CTNND1: variants seen among roughly 807,000 people sequenced by gnomAD.
CTNND1 encodes catenin delta 1.
CTNND1 carries 16 observed loss-of-function variants against 112.1 expected under a neutral mutation model. That is an observed-to-expected ratio of 0.14 (90% CI 0.10 to 0.22). The LOEUF is 0.22. Among genes scored for constraint, CTNND1 ranks in the 10% least tolerant of loss-of-function variants. The probability of loss-of-function intolerance (pLI) is 1.00; values close to 1 mark genes in which losing one functional copy is unlikely to be tolerated. For synonymous variants in CTNND1, 420 were observed against 446.5 expected (o/e 0.94, Z 0.75); for missense variants, 1,008 against 1,257.0 (o/e 0.80, Z 3.00).
chr11:57,771,211 G>C (rs1389811863), intron 1 of CTNND1, among the ~76,000 whole-genome samples: 1 of 151,554 alleles, frequency 6.6e-6, no homozygotes, highest in Non-Finnish European at 1.5e-5. Context: ...AAAGAAATTT[G>C]AGAGTCTGTT....
At chr11:57,763,739 TG>T (rs1284794714) in intron 1 of CTNND1, 1 of 152,124 alleles carries the variant, frequency 6.6e-6, no homozygotes, top group African/African-American at 2.4e-5. Context: ...ATCTTTAGAG[TG>T]TTGGTCATGT....
intron 3 of CTNND1, among the ~76,000 whole-genome samples, chr11:57,792,807 G>A (rs1191575133): frequency 1.3e-5 from 2 of 150,752 alleles, no homozygotes; most frequent in Non-Finnish European, 2.9e-5. Context: ...GGGATTACGC[G>A]TGAGCTACTG....
intron 3 of CTNND1, 101 bp from the exon 4 acceptor site, chr11:57,793,908 CT>C: frequency 8.7e-7 from 1 of 1,143,452 alleles, no homozygotes; most frequent in Non-Finnish European, 1.3e-6. Context: ...CCACACATAT[CT>C]TCTTGAAAGC....
Position 57,801,788 on chromosome 11 carries a change from C to T in CTNND1, c.1012C>T (p.Pro338Ser), listed in dbSNP as rs2062048755. The change falls in exon 7 of 21, where the codon CCT becomes TCT. Residue 338 changes from proline to serine, a missense_variant. By Grantham distance (74) the Pro-to-Ser change is moderately conservative. This residue lies in a region of CTNND1 where 216 missense variants were observed against 342.8 expected (regional missense o/e 0.63). Coordinates refer to ENST00000399050, the MANE Select transcript of CTNND1 (RefSeq NM_001085458.2). ...EVPSDQYYWA[P>S]LAQHERGSLA... ...GCCATCGGATCAATACTACTGGGCTCCTTTGGCCCAGCATGAGCGAGGAAG... is the reference window on the plus strand; with the variant it reads ...GCCATCGGATCAATACTACTGGGCTTCTTTGGCCCAGCATGAGCGAGGAAG... 1.2e-6 allele frequency: 2 copies of T among 1,613,958 alleles called. No individual in the cohort carries two copies. The highest frequency in any genetic ancestry group is 1.7e-6 in the Non-Finnish European group (2 of 1,179,874).
At chr11:57,794,214 G>A (rs2061090280) in intron 4 of CTNND1, 133 bp downstream of exon 4, 1 of 747,572 alleles carries the variant, frequency 1.3e-6, no homozygotes, top group Non-Finnish European at 2.2e-6. Context: ...TTTTATTTAC[G>A]AAAACAAAGA....
chr11:57,768,086 C>T (rs192028280), intron 1 of CTNND1, among the ~76,000 whole-genome samples: 52 of 152,154 alleles, frequency 3.4e-4, no homozygotes, highest in Admixed American at 2.9e-3. Flanking sequence ...CCACCCACCT[C>T]GGCCTTCCAA....
At chr11:57,792,342 C>T (rs918450049) in intron 3 of CTNND1, among the ~76,000 whole-genome samples, 1 of 152,182 alleles carries the variant, frequency 6.6e-6, no homozygotes, top group Admixed American at 6.5e-5. Flanking sequence ...TGAGAAGTAT[C>T]TTGTGTTTCC....
At chr11:57,785,762 C>G (rs549548292) in intron 1 of CTNND1, among the ~76,000 whole-genome samples, 2 of 151,628 alleles carry the variant, frequency 1.3e-5, no homozygotes, top group African/African-American at 4.8e-5. Flanking sequence ...TTGGTCAGGC[C>G]GGTCTCAAAC....
intron 8 of CTNND1, 35 bp downstream of exon 8, chr11:57,803,839 T>C: frequency 4.2e-6 from 6 of 1,414,092 alleles, no homozygotes; most frequent in African/African-American, 2.9e-5. Context: ...TGAAGATGAA[T>C]TTTTGAGGAC....
intron 1 of CTNND1, among the ~76,000 whole-genome samples, chr11:57,770,513 C>T (rs960187854): frequency 1.3e-4 from 20 of 151,736 alleles, no homozygotes; most frequent in Admixed American, 9.2e-4. Flanking sequence ...ATTAGCTGGG[C>T]GTGGTGGCAC....
intron 5 of CTNND1, 111 bp downstream of exon 5, chr11:57,795,840 C>T: frequency 8.8e-7 from 1 of 1,141,156 alleles, no homozygotes; most frequent in Non-Finnish European, 1.2e-6. Context: ...CATTATTGAT[C>T]TGATTGCATG....
At chr11:57,799,503 A>G (rs2061739844) in intron 6 of CTNND1, among the ~76,000 whole-genome samples, 1 of 152,220 alleles carries the variant, frequency 6.6e-6, no homozygotes, top group Non-Finnish European at 1.5e-5. Context: ...TAGAAGAGTA[A>G]TACAAGGTCA....
intron 12 of CTNND1, among the ~76,000 whole-genome samples, chr11:57,807,613 A>AAG (rs2062850823): frequency 6.6e-6 from 1 of 150,612 alleles, no homozygotes; most frequent in Non-Finnish European, 1.5e-5. Context: ...CTCAAAAAAA[A>AAG]AAAAAAAAAA....
In CTNND1 at chr11:57,772,240, T is replaced by G. The variant is rs185235400; in HGVS notation, c.-214+10121T>G. 9.6e-3 allele frequency among the ~76,000 whole-genome samples: 1,459 copies of G among 152,136 alleles called. 16 individuals carry two copies. Among genetic ancestry groups the G allele is most frequent in the Non-Finnish European group, 0.016 (1,056 of 68,004 alleles). ...AGCTACTGTGCCCAGCCCCCAAATT[T>G]TTCTTTCCAAGAGAAATACTGTATA... On this transcript the variant is annotated intron_variant, in intron 1 of 20. Transcript: ENST00000399050.
chr11:57,792,832 A>ATTTT (rs35942817), intron 3 of CTNND1, among the ~76,000 whole-genome samples: 6 of 140,384 alleles, frequency 4.3e-5, no homozygotes, highest in African/African-American at 1.3e-4. Flanking sequence ...CGGCTGAGTG[A>ATTTT]TTTTTTTTTT....
At chr11:57,779,261 G>C (rs1175330435) in intron 1 of CTNND1, among the ~76,000 whole-genome samples, 1 of 152,156 alleles carries the variant, frequency 6.6e-6, no homozygotes, top group African/African-American at 2.4e-5. Context: ...AGTATTAAGA[G>C]TTACTAGCAA....
Position 57,814,337 on chromosome 11 carries a change from C to A in CTNND1, c.2665C>A (p.Gln889Lys). The change falls in exon 18 of 21, where the codon CAG (glutamine) becomes AAG (lysine). Residue 889 changes from glutamine (Q) to lysine (K), a missense_variant. By Grantham distance (53) the Gln-to-Lys change is moderately conservative (BLOSUM62 1). Coordinates refer to ENST00000399050, the MANE Select transcript of CTNND1 (RefSeq NM_001085458.2). The part of the protein sequence containing the change: ...SDKKPDREEI[Q>K]MSNMGSNTKS... ...TAAGAAACCTGATCGGGAAGAAATT[C>A]AGATGAGCAATATGGGATCAAACAC... 6.2e-7 allele frequency: 1 copy of A among 1,611,876 alleles called. No individual in the cohort carries two copies. Among genetic ancestry groups the A allele is most frequent in the South Asian group, 1.1e-5 (1 of 90,404 alleles).
At chr11:57,798,750 T>A (rs1458983348) in intron 6 of CTNND1, among the ~76,000 whole-genome samples, 1 of 152,248 alleles carries the variant, frequency 6.6e-6, no homozygotes, top group Admixed American at 6.5e-5. Context: ...GACAGACCCC[T>A]GAAAATGACC....
rs116155541 is a variant in CTNND1, at chr11:57,796,634, G to T, written c.598G>T (p.Ala200Ser). 3.5e-5 allele frequency: 56 copies of T among 1,614,026 alleles called. No homozygotes were observed. In the African/African-American group the frequency reaches 7.1e-4, roughly 20 times the overall value. Residue 200 changes from alanine to serine, a missense_variant, in exon 6 of 21, where the codon GCT becomes TCT. Physicochemically the swap from Ala to Ser is moderately conservative, Grantham distance 99. Around this residue, in one of 5 missense-constraint regions of CTNND1, gnomAD observed 404 missense variants for 457.9 expected, o/e 0.88. Coordinates refer to ENST00000399050, the MANE Select transcript of CTNND1 (RefSeq NM_001085458.2). Reference protein sequence around the residue: ...PGPYVGQAGTATLPRNFHYPP... With the variant: ...PGPYVGQAGTSTLPRNFHYPP... ...TCCCTATGTGGGGCAAGCTGGCACT[G>T]CTACCCTTCCTAGGAACTTCCACTA...
Sources: allele counts gnomAD v4.1 joint callset (sites outside exome capture counted in the v4.1 genomes callset), GRCh38; gene constraint gnomAD v4.1.1; regional missense constraint gnomAD v4.1.1; transcripts MANE v1.5; gene names NCBI Gene and HGNC (gene_info 2026-07-23, HGNC 2026-07-21).